BCL11B: variants seen among roughly 807,000 people sequenced by gnomAD.
BCL11B encodes the protein B-cell lymphoma/leukemia 11B.
BCL11B carries 8 observed loss-of-function variants against 49.9 expected under a neutral mutation model. That is an observed-to-expected ratio of 0.16 (90% confidence interval 0.09 to 0.29). The LOEUF (loss-of-function observed/expected upper bound fraction) is 0.29, where lower values mean the gene tolerates loss of function less well. Among genes scored for constraint, BCL11B ranks in the 10% least tolerant of loss-of-function variants. BCL11B has a pLI of 1.00. For missense variants in BCL11B, 1,006 were observed against 1,351.0 expected (o/e 0.74, Z 4.00); for synonymous variants, 739 against 637.4 (o/e 1.16, Z -2.40).
In BCL11B at chr14:99,271,656, C is replaced by T. The variant is rs533046660; in HGVS notation, c.-438G>A. 53 of 197,382 alleles carry T rather than the reference C, an allele frequency of 2.7e-4. No homozygotes were observed. Among genetic ancestry groups the T allele is most frequent in the African/African-American group, 1.2e-3 (51 of 43,410 alleles). The allele number at this position is 197,382 out of a possible 1,614,324, so 12.2% of individuals were successfully genotyped here. The stretch of plus-strand genomic sequence containing the variant: ...TTGCAAATGTCTTCTTGAACTTAAA[C>T]TGGGTTTTGCACCGGCTCCTGACAC... On this transcript the variant is annotated 5_prime_UTR_variant, in exon 1 of 4. Coordinates refer to ENST00000357195, the MANE Select transcript of BCL11B (RefSeq NM_138576.4).
chr14:99,258,706 T>C (rs1477137999), intron 1 of BCL11B, among the ~76,000 whole-genome samples: 1 of 152,176 alleles, frequency 6.6e-6, no homozygotes, highest in Non-Finnish European at 1.5e-5. Flanking sequence ...CATTTCTCTG[T>C]AGATTTCCCC....
chr14:99,221,663 C>T (rs933116414), intron 3 of BCL11B, among the ~76,000 whole-genome samples: 2 of 152,274 alleles, frequency 1.3e-5, no homozygotes, highest in Non-Finnish European at 2.9e-5. Context: ...GATTCAAATC[C>T]CACCTGTGCC....
chr14:99,181,942 A>C (rs967912592), intron 3 of BCL11B, among the ~76,000 whole-genome samples: 1 of 152,248 alleles, frequency 6.6e-6, no homozygotes, highest in Non-Finnish European at 1.5e-5. Flanking sequence ...CGTAATTATC[A>C]GTGTTATCCC....
intron 3 of BCL11B, among the ~76,000 whole-genome samples, chr14:99,183,900 A>AAC (rs1432974036): frequency 2.0e-5 from 3 of 151,940 alleles, no homozygotes; most frequent in Admixed American, 2.0e-4. Context: ...CTCAGCAGAG[A>AAC]ACACACCCAG....
chr14:99,241,380 G>A lies in BCL11B; in HGVS notation c.428-9823C>T, dbSNP rs1006885651. 6.6e-6 allele frequency among the ~76,000 whole-genome samples: 1 copy of A among 151,896 alleles called. No homozygotes were observed. Among genetic ancestry groups the A allele is most frequent in the South Asian group, 2.1e-4 (1 of 4,810 alleles). Reference sequence around the variant, plus strand: ...TCCCAACGAGCTCCAATTCCAGATCGGGGCGAGAATCTAGCTGTAATCTCA... The same window carrying A: ...TCCCAACGAGCTCCAATTCCAGATCAGGGCGAGAATCTAGCTGTAATCTCA... On this transcript the variant is annotated intron_variant, in intron 2 of 3. Coordinates refer to ENST00000357195, the MANE Select transcript of BCL11B (RefSeq NM_138576.4). This position sits in a 1 kb window ranked among gnomAD's most constrained non-coding sequence, Gnocchi z 4.4.
chr14:99,266,395 G>A (rs770696410), intron 1 of BCL11B, among the ~76,000 whole-genome samples: 4 of 152,018 alleles, frequency 2.6e-5, no homozygotes, highest in African/African-American at 4.8e-5. Context: ...TAACGCAGCA[G>A]AATTTTCAGA....
Position 99,176,140 on chromosome 14 carries a change from G to T in BCL11B, c.696C>A (p.Ser232Arg). 6.2e-7 allele frequency: 1 copy of T among 1,612,262 alleles called. No homozygotes were observed. Among genetic ancestry groups the T allele is most frequent in the Non-Finnish European group, 8.5e-7 (1 of 1,179,050 alleles). ...GCGCGTGCTGCAGCAGGAACCACGC[G>T]CTGTTGAAGGGCTGCTTGCATGTTG... ...ICTTCKQPFN[S>R]AWFLLQHAQN... The change falls in exon 4 of 4, where the codon AGC (serine) becomes AGA (arginine). Residue 232 changes from serine (S) to arginine (R), a missense_variant. Physicochemically the swap from Ser to Arg is moderately radical, Grantham distance 110 (BLOSUM62 -1). Coordinates refer to ENST00000357195, the MANE Select transcript of BCL11B (RefSeq NM_138576.4).
At chr14:99,181,222 T>C (rs1466009888) in intron 3 of BCL11B, among the ~76,000 whole-genome samples, 1 of 151,914 alleles carries the variant, frequency 6.6e-6, no homozygotes, top group African/African-American at 2.4e-5. Context: ...GGGCCCGGGG[T>C]GATATCCTGA....
intron 3 of BCL11B, among the ~76,000 whole-genome samples, chr14:99,185,198 A>T (rs1289732252): frequency 1.3e-5 from 2 of 152,168 alleles, no homozygotes; most frequent in Non-Finnish European, 2.9e-5. Context: ...GCACTTTAGT[A>T]GGCCAAGGTG....
intron 3 of BCL11B, among the ~76,000 whole-genome samples, chr14:99,224,936 G>T (rs1437787809): frequency 2.0e-5 from 3 of 152,128 alleles, no homozygotes; most frequent in Non-Finnish European, 4.4e-5. Context: ...ACAGGGACAG[G>T]GCAGCCAGCT....
chr14:99,199,002 C>T (rs918557795), intron 3 of BCL11B, among the ~76,000 whole-genome samples: 7 of 152,066 alleles, frequency 4.6e-5, no homozygotes, highest in Admixed American at 6.6e-5. Flanking sequence ...ACGCTTTGCG[C>T]GGGGCCGTTG....
At chr14:99,221,584 G>C (rs1888009803) in intron 3 of BCL11B, among the ~76,000 whole-genome samples, 1 of 152,262 alleles carries the variant, frequency 6.6e-6, no homozygotes, top group Non-Finnish European at 1.5e-5. Flanking sequence ...AGGCGGGAGG[G>C]GCAGGCCAGG....
intron 3 of BCL11B, among the ~76,000 whole-genome samples, chr14:99,225,621 C>G (rs1260505173): frequency 6.6e-6 from 1 of 151,972 alleles, no homozygotes; most frequent in East Asian, 1.9e-4. Context: ...AACAGCCAAA[C>G]TCCTTTTTAA....
chr14:99,271,085 C>G (rs1889663137), intron 1 of BCL11B, 76 bp downstream of exon 1: 3 of 1,418,230 alleles, frequency 2.1e-6, no homozygotes, highest in Non-Finnish European at 2.8e-6. Context: ...CTCGGCTGTT[C>G]CGGGCTCGGT....
chr14:99,174,117 A>G lies in BCL11B; in HGVS notation c.*34T>C, dbSNP rs753213502. 1.0e-5 allele frequency: 16 copies of G among 1,593,312 alleles called. No individual in the cohort carries two copies. The highest frequency in any genetic ancestry group is 1.3e-5 in the Non-Finnish European group (15 of 1,170,330). On this transcript the variant is annotated 3_prime_UTR_variant, in exon 4 of 4. Coordinates refer to ENST00000357195, the MANE Select transcript of BCL11B (RefSeq NM_138576.4). The stretch of plus-strand genomic sequence containing the variant: ...CATTCTCTCGGTTGGCAACGGTTCC[A>G]CTGTACAGGTGCGGGGCGCCGGGGC...
intron 3 of BCL11B, among the ~76,000 whole-genome samples, chr14:99,200,787 A>G (rs556815760): frequency 1.3e-5 from 2 of 152,338 alleles, no homozygotes; most frequent in African/African-American, 4.8e-5. Context: ...AGAAGCTTCC[A>G]GAGGGCAGAG....
chr14:99,207,563 G>C (rs1887568833), intron 3 of BCL11B, among the ~76,000 whole-genome samples: 1 of 152,236 alleles, frequency 6.6e-6, no homozygotes, highest in African/African-American at 2.4e-5. Context: ...TGTGCACCCT[G>C]GGTGCTGGGA....
At chr14:99,178,094 G>T (rs1426804389) in intron 3 of BCL11B, among the ~76,000 whole-genome samples, 1 of 152,110 alleles carries the variant, frequency 6.6e-6, no homozygotes, top group Admixed American at 6.5e-5. Context: ...GAGGGGCAGG[G>T]TGGAGACTCC....
At chr14:99,179,166 CTTGT>C (rs1278944095) in intron 3 of BCL11B, among the ~76,000 whole-genome samples, 1 of 152,164 alleles carries the variant, frequency 6.6e-6, no homozygotes, top group Admixed American at 6.5e-5. Flanking sequence ...GTTTCCACTT[CTTGT>C]TTGTTTGTTT....
Sources: allele counts gnomAD v4.1 joint callset (sites outside exome capture counted in the v4.1 genomes callset), GRCh38; gene constraint gnomAD v4.1.1; non-coding constraint Gnocchi (gnomAD v3.1); transcripts MANE v1.5; gene names NCBI Gene and HGNC (gene_info 2026-07-23, HGNC 2026-07-21).